TRPC6: variants seen among roughly 807,000 people sequenced by gnomAD.
The protein encoded by TRPC6 is short transient receptor potential channel 6.
In TRPC6, 55 loss-of-function variants were observed where a neutral mutation model predicts 90.7. The ratio of observed to expected loss-of-function variants is 0.61; its 90% CI spans 0.49 to 0.76. The LOEUF (loss-of-function observed/expected upper bound fraction) is 0.76. TRPC6 is among the 30% of genes least tolerant of loss of function. TRPC6 has a pLI of 0.00. For missense variants in TRPC6, 989 were observed against 1,122.7 expected, an observed-to-expected ratio of 0.88 and a Z score of 1.70; for synonymous variants, 393 against 393.0, an observed-to-expected ratio of 1.00 and a Z score of 0.00.
chr11:101,507,006 AACACACACACACACACACAC>A (rs10590147), intron 1 of TRPC6, among the ~76,000 whole-genome samples: 9 of 131,082 alleles, frequency 6.9e-5, no homozygotes, highest in Non-Finnish European at 1.3e-4. Flanking sequence ...CTCTCTCTCT[AACACACACACACACACACAC>A]ACACACACAC....
chr11:101,489,260 CA>C (rs1363732563), intron 3 of TRPC6, among the ~76,000 whole-genome samples, 159 bp from the exon 4 acceptor site: 1 of 152,036 alleles, frequency 6.6e-6, no homozygotes, highest in East Asian at 1.9e-4. Flanking sequence ...AAACAAATGG[CA>C]AAAAGTTCTA....
intron 1 of TRPC6, among the ~76,000 whole-genome samples, chr11:101,580,745 A>G (rs780862790): frequency 5.3e-5 from 8 of 152,214 alleles, no homozygotes; most frequent in Admixed American, 1.3e-4. Flanking sequence ...TTGGGATCTT[A>G]TAAGGGAAAA....
At chr11:101,472,628 T>C (rs1859318380) in intron 7 of TRPC6, among the ~76,000 whole-genome samples, 2 of 152,160 alleles carry the variant, frequency 1.3e-5, no homozygotes, top group African/African-American at 2.4e-5. Flanking sequence ...ACTTAATCCA[T>C]AGCGTTGGCA....
intron 1 of TRPC6, among the ~76,000 whole-genome samples, chr11:101,561,142 A>G (rs1353554165): frequency 2.0e-5 from 3 of 152,196 alleles, no homozygotes; most frequent in Non-Finnish European, 2.9e-5. Context: ...TCATCCAATC[A>G]TTATAGCACA....
At chr11:101,580,090 A>G (rs1405103277) in intron 1 of TRPC6, among the ~76,000 whole-genome samples, 1 of 152,170 alleles carries the variant, frequency 6.6e-6, no homozygotes, top group Non-Finnish European at 1.5e-5. Flanking sequence ...TGTCTCAGTC[A>G]GCTGAATTGC....
intron 4 of TRPC6, among the ~76,000 whole-genome samples, chr11:101,485,454 A>G (rs994774616): frequency 6.6e-5 from 10 of 152,292 alleles, no homozygotes; most frequent in Admixed American, 4.6e-4. Flanking sequence ...GATATGTTTC[A>G]CATAAAATTT....
At chr11:101,518,346 G>GA (rs561104792) in intron 1 of TRPC6, among the ~76,000 whole-genome samples, 4 of 151,650 alleles carry the variant, frequency 2.6e-5, no homozygotes, top group African/African-American at 7.3e-5. Context: ...AACCATACAG[G>GA]AAAAAAAATT....
intron 10 of TRPC6, 142 bp downstream of exon 10, chr11:101,469,285 T>G (rs887179607): frequency 1.6e-6 from 1 of 636,002 alleles, no homozygotes; most frequent in African/African-American, 1.8e-5. Flanking sequence ...AATAACAGAA[T>G]TGTTGAGATT....
chr11:101,531,955 A>G (rs1860921210), intron 1 of TRPC6, among the ~76,000 whole-genome samples: 2 of 152,160 alleles, frequency 1.3e-5, no homozygotes, highest in Admixed American at 1.3e-4. Context: ...AGACTTGGGA[A>G]GGTGTCGGCT....
chr11:101,573,261 T>A (rs11493972), intron 1 of TRPC6, among the ~76,000 whole-genome samples: 10,965 of 148,712 alleles, frequency 0.074, 528 homozygotes, highest in East Asian at 0.16. Flanking sequence ...TTTTACAGAG[T>A]ACCTCCTTTC....
chr11:101,560,240 T>G (rs147606991), intron 1 of TRPC6, among the ~76,000 whole-genome samples: 22 of 152,194 alleles, frequency 1.4e-4, no homozygotes, highest in Non-Finnish European at 2.9e-4. Flanking sequence ...TTTGGACCAT[T>G]TAGCATTTGA....
intron 1 of TRPC6, among the ~76,000 whole-genome samples, chr11:101,560,935 C>A (rs1219274310): frequency 6.6e-6 from 1 of 152,130 alleles, no homozygotes; most frequent in African/African-American, 2.4e-5. Flanking sequence ...GAACTACCCA[C>A]AATAGGGTCT....
chr11:101,555,025 T>C (rs907613830), intron 1 of TRPC6, among the ~76,000 whole-genome samples: 7 of 152,126 alleles, frequency 4.6e-5, no homozygotes, highest in Non-Finnish European at 7.4e-5. Flanking sequence ...TCTTCTTACC[T>C]AGGTAATTTC....
chr11:101,554,668 T>A (rs930415857), intron 1 of TRPC6, among the ~76,000 whole-genome samples: 2 of 152,000 alleles, frequency 1.3e-5, no homozygotes, highest in African/African-American at 2.4e-5. Flanking sequence ...TTTCCCTGCA[T>A]CACCCAAAAA....
chr11:101,502,128 G>A (rs1400802413), intron 2 of TRPC6, among the ~76,000 whole-genome samples: 2 of 152,128 alleles, frequency 1.3e-5, no homozygotes, highest in Non-Finnish European at 2.9e-5. Flanking sequence ...AGAAGGGTGT[G>A]ATGAACAAAC....
At chr11:101,513,436 C>A (rs1860442792) in intron 1 of TRPC6, among the ~76,000 whole-genome samples, 1 of 152,094 alleles carries the variant, frequency 6.6e-6, no homozygotes, top group Non-Finnish European at 1.5e-5. Flanking sequence ...GATGGGTGCA[C>A]TAAAATCTCG....
chr11:101,564,886 A>C (rs1861795182), intron 1 of TRPC6, among the ~76,000 whole-genome samples: 1 of 152,126 alleles, frequency 6.6e-6, no homozygotes, highest in Non-Finnish European at 1.5e-5. Context: ...GATCAATAGA[A>C]TAGAACAGAG....
chr11:101,455,165 G>C, intron 10 of TRPC6, 64 bp from the exon 11 acceptor site: 2 of 1,325,028 alleles, frequency 1.5e-6, no homozygotes, highest in South Asian at 1.2e-5. Context: ...AAAGTAGTGA[G>C]ATTAGTTATC....
chr11:101,535,353 G>T (rs868825496), intron 1 of TRPC6, among the ~76,000 whole-genome samples: 5 of 151,476 alleles, frequency 3.3e-5, no homozygotes, highest in Non-Finnish European at 7.4e-5. Context: ...TATTTTTATG[G>T]ATACCTTAGT....
Sources: gnomAD v4.1 joint callset for allele counts (sites outside exome capture counted in the v4.1 genomes callset) on GRCh38, gnomAD v4.1.1 for gene constraint, MANE v1.5 for transcripts, NCBI Gene and HGNC (gene_info 2026-07-23, HGNC 2026-07-21) for gene names.